Variants in TENM2 observed in about 807,000 individuals in gnomAD.
The protein encoded by TENM2 is teneurin-2.
In TENM2, 52 loss-of-function variants were observed where a neutral mutation model predicts 245.2. The ratio of observed to expected loss-of-function variants is 0.21; its 90% CI spans 0.17 to 0.27. TENM2 has a LOEUF of 0.27. Among genes scored for constraint, TENM2 ranks in the 10% least tolerant of loss-of-function variants. The probability of loss-of-function intolerance (pLI) is 1.00; values close to 1 mark genes in which losing one functional copy is unlikely to be tolerated. For synonymous variants in TENM2, 1,363 were observed against 1,438.9 expected (o/e 0.95, Z 1.19); for missense variants, 3,046 against 3,666.8 (o/e 0.83, Z 4.37).
At position 168,218,401 on chromosome 5, in the gene TENM2, G is replaced by C. The variant is rs1763385633; in HGVS notation, c.4510G>C (p.Val1504Leu). The C allele has an allele frequency of 6.2e-7, 1 of 1,613,930 alleles. No homozygotes were observed. Among genetic ancestry groups the C allele is most frequent in the Non-Finnish European group, 8.5e-7 (1 of 1,179,912 alleles). ...GAAGAAGATTAACCGTCTACGCCAG[G>C]TAACAACCAACGGGGAGATCTGCCT... The change falls in exon 23 of 29, where the codon GTA (valine) becomes CTA (leucine). Residue 1504 changes from valine (V) to leucine (L), a missense_variant. Val to Leu is a conservative substitution (Grantham distance 32, BLOSUM62 1). Transcript: ENST00000518659. This position sits in a 1 kb window ranked among gnomAD's most constrained non-coding sequence, Gnocchi z 5.2.
chr5:167,568,914 T>C lies in TENM2; in HGVS notation c.502+193441T>C, dbSNP rs2127655955. Among the ~76,000 whole-genome samples, 2 of 152,118 alleles carry C rather than the reference T, an allele frequency of 1.3e-5. 1 individual carries two copies. The highest frequency in any genetic ancestry group is 4.2e-4 in the South Asian group (2 of 4,810). On this transcript the variant is annotated intron_variant, in intron 2 of 28. Coordinates refer to ENST00000518659, the Ensembl canonical transcript of TENM2. ...AAGGTGATTAAACGCTGTGGGTATT[T>C]GTGTGGTTAGTTCTGTCTTTCTGTG...
At chr5:167,848,149 A>C (rs1014050419) in intron 2 of TENM2, among the ~76,000 whole-genome samples, 2 of 152,220 alleles carry the variant, frequency 1.3e-5, no homozygotes, top group African/African-American at 4.8e-5. Flanking sequence ...AATAGACTTC[A>C]GTGGACTACA....
At chr5:167,886,127 A>G (rs1244808694) in intron 3 of TENM2, among the ~76,000 whole-genome samples, 2 of 152,210 alleles carry the variant, frequency 1.3e-5, no homozygotes, top group Admixed American at 1.3e-4. Context: ...CATGGACACC[A>G]TTAAGCTGTG....
chr5:168,247,634 T>C lies in TENM2; in HGVS notation c.6695T>C (p.Leu2232Pro), dbSNP rs746026935. 1.1e-5 allele frequency: 17 copies of C among 1,613,770 alleles called. No individual in the cohort carries two copies. Among genetic ancestry groups the C allele is most frequent in the Non-Finnish European group, 1.4e-5 (17 of 1,179,886 alleles). Residue 2232 changes from leucine to proline, a missense_variant, in exon 27 of 29, where the codon CTC becomes CCC. By Grantham distance (98) the Leu-to-Pro change is moderately conservative (BLOSUM62 -3). Around this residue, in one of 2 missense-constraint regions of TENM2, gnomAD observed 2,704 missense variants for 3,331.9 expected, o/e 0.81. Coordinates refer to ENST00000518659, the Ensembl canonical transcript of TENM2. This position sits in a 1 kb window ranked among gnomAD's most constrained non-coding sequence, Gnocchi z 7.8. ...TACAGCTATGACCTTAATGGGAATC[T>C]CCACTTACTGAACCCAGGCAACAGT...
intron 2 of TENM2, among the ~76,000 whole-genome samples, chr5:167,646,565 C>A (rs1779978435): frequency 6.6e-6 from 1 of 151,746 alleles, no homozygotes. Flanking sequence ...CTAATTTTTT[C>A]TTGGTGGCGA....
At chr5:168,155,407 G>T (rs929175778) in intron 12 of TENM2, among the ~76,000 whole-genome samples, 5 of 149,822 alleles carry the variant, frequency 3.3e-5, no homozygotes, top group African/African-American at 1.0e-4. Flanking sequence ...GGTGAAAGGG[G>T]GGGGGGGTCC....
chr5:168,220,822 T>C (rs573441606), intron 23 of TENM2, among the ~76,000 whole-genome samples: 4 of 152,246 alleles, frequency 2.6e-5, no homozygotes, highest in African/African-American at 7.2e-5. Context: ...ACTAGAAAAG[T>C]CTGTCCTGGT....
intron 5 of TENM2, among the ~76,000 whole-genome samples, chr5:168,016,716 G>C (rs965009253): frequency 2.0e-5 from 3 of 152,162 alleles, no homozygotes; most frequent in Non-Finnish European, 4.4e-5. Flanking sequence ...GTAGCTAACA[G>C]CAAAACCTCT....
rs183269599 is a variant in TENM2 at position 168,138,564 on chromosome 5, T to C, written c.2422+11598T>C. On this transcript the variant is annotated intron_variant, in intron 12 of 28. Transcript: ENST00000518659. ...CAGGTGCTCGTGGCCCTCCTGCTAT[T>C]TCACTGTTCCAAGACAAGTTCCTTG... 4.0e-3 allele frequency among the ~76,000 whole-genome samples: 614 copies of C among 152,334 alleles called. 2 individuals are homozygous for C. The highest frequency in any genetic ancestry group is 6.0e-3 in the Non-Finnish European group (406 of 68,028).
At position 167,442,470 on chromosome 5, in the gene TENM2, A is replaced by G. The variant is rs1764928451; in HGVS notation, c.502+66997A>G. Among the ~76,000 whole-genome samples, 3 of 152,150 alleles carry G rather than the reference A, an allele frequency of 2.0e-5. No individual in the cohort carries two copies. In the South Asian group the frequency reaches 6.2e-4, roughly 31 times the overall value. ...TATATTGCCCAATTCCCTTCTAAGT[A>G]GTAATATCACTCAAGTTCCCACCAG... is the stretch of plus-strand genomic sequence containing the variant. On this transcript the variant is annotated intron_variant, in intron 2 of 28. Coordinates refer to ENST00000518659, the Ensembl canonical transcript of TENM2.
At chr5:167,611,535 G>A (rs946354704) in intron 2 of TENM2, among the ~76,000 whole-genome samples, 1 of 152,146 alleles carries the variant, frequency 6.6e-6, no homozygotes, top group African/African-American at 2.4e-5. Context: ...AGCAGGAAGG[G>A]AGAGTTTTTC....
intron 5 of TENM2, among the ~76,000 whole-genome samples, chr5:168,000,777 G>T (rs372027905): frequency 2.6e-5 from 4 of 152,140 alleles, no homozygotes; most frequent in South Asian, 4.1e-4. Context: ...GGTCACAAAG[G>T]CCCTGTAATA....
intron 2 of TENM2, among the ~76,000 whole-genome samples, chr5:167,654,625 T>TACATAATG: frequency 6.6e-6 from 1 of 151,794 alleles, no homozygotes; most frequent in South Asian, 2.1e-4. Flanking sequence ...CATTTTGGAG[T>TACATAATG]CATCTAGCAT....
At chr5:168,208,055 C>A (rs772215129) in intron 19 of TENM2, among the ~76,000 whole-genome samples, 2 of 152,136 alleles carry the variant, frequency 1.3e-5, no homozygotes, top group African/African-American at 2.4e-5. Flanking sequence ...ACCTAAAGCC[C>A]TGGAGCAGAG....
the TENM2 span, among the ~76,000 whole-genome samples, chr5:167,133,482 C>A: frequency 6.6e-6 from 1 of 152,070 alleles, no homozygotes; most frequent in Non-Finnish European, 1.5e-5. Flanking sequence ...GCCTTGCTTC[C>A]AAAAGCAGAA....
intron 1 of TENM2, among the ~76,000 whole-genome samples, chr5:167,318,268 G>C (rs116630660): frequency 0.012 from 1,830 of 152,206 alleles, 42 homozygotes; most frequent in African/African-American, 0.041. Flanking sequence ...AGAATACCTT[G>C]AGAAAATTTG....
intron 2 of TENM2, among the ~76,000 whole-genome samples, chr5:167,474,352 C>T (rs1197557251): frequency 6.6e-6 from 1 of 152,142 alleles, no homozygotes; most frequent in African/African-American, 2.4e-5. Context: ...ATCTTCACCT[C>T]AGTCTGAGGG....
At chr5:167,206,088 C>A in the TENM2 span, among the ~76,000 whole-genome samples, 1 of 152,136 alleles carries the variant, frequency 6.6e-6, no homozygotes, top group Non-Finnish European at 1.5e-5. Flanking sequence ...GGAACATATT[C>A]ATTGACATGA....
chr5:168,236,771 TTGAATGAAAGAA>T (rs1765458519), intron 25 of TENM2, among the ~76,000 whole-genome samples: 1 of 150,222 alleles, frequency 6.7e-6, no homozygotes, highest in Admixed American at 6.6e-5. Flanking sequence ...CCAGTAAATA[TTGAATGAAAGAA>T]TGAATGAATG....
Sources: allele counts gnomAD v4.1 joint callset (sites outside exome capture counted in the v4.1 genomes callset), GRCh38; gene constraint gnomAD v4.1.1; regional missense constraint gnomAD v4.1.1; non-coding constraint Gnocchi (gnomAD v3.1); transcripts MANE v1.5; gene names NCBI Gene and HGNC (gene_info 2026-07-23, HGNC 2026-07-21).